The following REPS1 variants were observed in gnomAD, a reference collection of about 807,000 sequenced individuals.
REPS1 encodes the protein ralBP1-associated Eps domain-containing protein 1.
In REPS1, 39 loss-of-function variants were observed where a neutral mutation model predicts 100.9. The ratio of observed to expected loss-of-function variants is 0.39; its 90% CI spans 0.30 to 0.50. The LOEUF is 0.50. Among genes scored for constraint, REPS1 ranks in the 20% least tolerant of loss-of-function variants. The pLI is 0.86. For missense variants in REPS1, 821 were observed against 968.5 expected (o/e 0.85, Z 2.02); for synonymous variants, 324 against 340.3 (o/e 0.95, Z 0.53).
At chr6:138,966,124 T>A (rs1437119627) in intron 1 of REPS1, among the ~76,000 whole-genome samples, 1 of 152,176 alleles carries the variant, frequency 6.6e-6, no homozygotes, top group Non-Finnish European at 1.5e-5. Context: ...CCAACTGTAC[T>A]ATGTTGCCAC....
intron 10 of REPS1, among the ~76,000 whole-genome samples, chr6:138,921,526 T>TTA (rs960958721): frequency 6.6e-6 from 1 of 150,554 alleles, no homozygotes; most frequent in Non-Finnish European, 1.5e-5. Context: ...AGCCCATGAC[T>TTA]TATAGTCCCA....
At chr6:138,979,198 C>CAAAAAAAAAAAAAAAAAAAAAAAAAAAAA (rs1277794755) in intron 1 of REPS1, among the ~76,000 whole-genome samples, 1 of 91,798 alleles carries the variant, frequency 1.1e-5, no homozygotes, top group Non-Finnish European at 2.0e-5. Context: ...AAAAAAAAAA[C>CAAAAAAAAAAAAAAAAAAAAAAAAAAAAA]AAAAAAAAAA....
intron 2 of REPS1, among the ~76,000 whole-genome samples, chr6:138,946,484 G>C (rs11968606): frequency 0.083 from 12,682 of 152,088 alleles, 1,086 homozygotes; most frequent in African/African-American, 0.21. Context: ...TTTCGTCTCT[G>C]TTTAGAACCT....
intron 1 of REPS1, among the ~76,000 whole-genome samples, chr6:138,976,422 A>G (rs776812989): frequency 6.6e-6 from 1 of 152,184 alleles, no homozygotes; most frequent in African/African-American, 2.4e-5. Flanking sequence ...ACACCAAATC[A>G]GTCCCTTTAA....
chr6:138,935,663 G>T (rs1582770287), intron 8 of REPS1, among the ~76,000 whole-genome samples: 4 of 152,058 alleles, frequency 2.6e-5, no homozygotes, highest in African/African-American at 9.6e-5. Context: ...AGACCAGTCT[G>T]GCCAACATGG....
chr6:138,948,234 A>G (rs757460467), intron 1 of REPS1, among the ~76,000 whole-genome samples: 140 of 152,298 alleles, frequency 9.2e-4, no homozygotes, highest in Middle Eastern at 3.4e-3. Flanking sequence ...CTGCACATAC[A>G]ATAGGACCAT....
intron 15 of REPS1, 134 bp from the exon 16 acceptor site, chr6:138,913,084 T>C (rs1780118362): frequency 1.6e-6 from 1 of 621,170 alleles, no homozygotes; most frequent in African/African-American, 1.9e-5. Context: ...GAGAGGTGTA[T>C]TATAGTAACA....
Position 138,943,989 on chromosome 6 carries a change from T to C in REPS1, c.780A>G (p.Ala260=), listed in dbSNP as rs145556322. 2.5e-6 allele frequency: 4 copies of C among 1,613,852 alleles called. No individual in the cohort carries two copies. The highest frequency in any genetic ancestry group is 3.4e-6 in the Non-Finnish European group (4 of 1,179,796). Residue 260 remains alanine, a synonymous_variant, in exon 6 of 20, where the codon GCA becomes GCG. Coordinates refer to ENST00000450536, the MANE Select transcript of REPS1 (RefSeq NM_001286611.2). The part of the protein sequence containing the change: ...VQDQTTVRTV[A]SATTAIEIRR... The stretch of plus-strand genomic sequence containing the variant: ...GAATTTCAATGGCAGTTGTAGCTGA[T>C]GCTACAGTTCGTACTGTTGTCTGGT...
intron 13 of REPS1, 122 bp from the exon 14 acceptor site, chr6:138,916,098 A>ATACTTGAGTGTTG: frequency 1.3e-6 from 1 of 755,630 alleles, no homozygotes; most frequent in Non-Finnish European, 2.4e-6. Context: ...CTCAACACTC[A>ATACTTGAGTGTTG]AGTATGTAAG....
intron 8 of REPS1, among the ~76,000 whole-genome samples, chr6:138,932,820 A>G (rs1177445111): frequency 1.3e-5 from 2 of 152,206 alleles, no homozygotes; most frequent in African/African-American, 2.4e-5. Context: ...AAGGAAAGCA[A>G]TGTTTTCAGT....
intron 9 of REPS1, 92 bp downstream of exon 9, chr6:138,929,885 T>C: frequency 7.9e-7 from 1 of 1,259,730 alleles, no homozygotes; most frequent in Non-Finnish European, 1.1e-6. Flanking sequence ...TATGCATGCA[T>C]GCTGGAAGAG....
Position 138,912,841 on chromosome 6 carries a change from T to G in REPS1, c.1895A>C (p.Gln632Pro), listed in dbSNP as rs1236856422. ...ATTTGATGCAGCAAATACTTCAAAC[T>G]GACTGAAATCTGCAAAATTTGGTTG... ...PEQPNFADFS[Q>P]FEVFAASNVN... Residue 632 changes from glutamine to proline, a missense_variant, in exon 16 of 20, where the codon CAG becomes CCG. Physicochemically the swap from Gln to Pro is moderately conservative, Grantham distance 76. Coordinates refer to ENST00000450536, the MANE Select transcript of REPS1 (RefSeq NM_001286611.2). The G allele has an allele frequency of 2.3e-5, 37 of 1,614,024 alleles. No individual in the cohort carries two copies. The Admixed American group carries it at 6.0e-4, about 26-fold the overall frequency.
In REPS1 at chr6:138,945,550, C is replaced by A. The variant is rs1221505201; in HGVS notation, c.425G>T (p.Gly142Val). Residue 142 changes from glycine to valine, a missense_variant, in exon 3 of 20, where the codon GGA (glycine) becomes GTA (valine). By Grantham distance (109) the Gly-to-Val change is moderately radical. Transcript: ENST00000450536. ...CTGAACCGTATCATGGCTTACGGAT[C>A]CCTTTTTCACTTGCCCCCTGCCAGG... ...PPPGRGQVKK[G>V]SVSHDTVQPR... The A allele has an allele frequency of 6.2e-7, 1 of 1,611,698 alleles. No individual in the cohort carries two copies. The highest frequency in any genetic ancestry group is 8.5e-7 in the Non-Finnish European group (1 of 1,179,324).
intron 8 of REPS1, among the ~76,000 whole-genome samples, chr6:138,938,850 AT>A (rs34695956): frequency 0.47 from 68,423 of 145,404 alleles, 15,704 homozygotes; most frequent in Admixed American, 0.56. Context: ...TATTTTTATA[AT>A]TTTTTTTTTT....
Position 138,978,340 on chromosome 6 carries a change from G to A in REPS1, c.153+9190C>T, listed in dbSNP as rs1784718417. ...GTCTGGCTCTGTTGCCCAGGCTGGA[G>A]TCCATTGGCGCAATCTCGGGTCTCT... On this transcript the variant is annotated intron_variant, in intron 1 of 19. Transcript: ENST00000450536. 2.0e-5 allele frequency among the ~76,000 whole-genome samples: 3 copies of A among 150,454 alleles called. No individual in the cohort carries two copies. In the South Asian group the frequency reaches 6.3e-4, roughly 32 times the overall value.
chr6:138,945,511 G>C lies in REPS1; in HGVS notation c.464C>G (p.Ala155Gly), dbSNP rs1368804405. 1 of 1,602,510 alleles carries C rather than the reference G, an allele frequency of 6.2e-7. No homozygotes were observed. The highest frequency in any genetic ancestry group is 1.3e-5 in the African/African-American group (1 of 74,354). Residue 155 changes from alanine (A) to glycine (G), a missense_variant, in exon 3 of 20, where the codon GCA (alanine) becomes GGA (glycine). Coordinates refer to ENST00000450536, the MANE Select transcript of REPS1 (RefSeq NM_001286611.2). ...SHDTVQPRTS[A>G]DAQEPASPVV... ...CATGCATGTGATTACCTGTGCATCT[G>C]CAGATGTACGAGGCTGAACCGTATC...
intron 8 of REPS1, among the ~76,000 whole-genome samples, chr6:138,940,018 G>A (rs979250523): frequency 6.6e-6 from 1 of 152,204 alleles, no homozygotes; most frequent in African/African-American, 2.4e-5. Flanking sequence ...CATTTCAGGT[G>A]GAGAAACAGA....
chr6:138,910,262 T>G (rs1321494428), intron 17 of REPS1, among the ~76,000 whole-genome samples: 5 of 152,250 alleles, frequency 3.3e-5, no homozygotes, highest in Non-Finnish European at 2.9e-5. Context: ...CCACTTTGCC[T>G]TCTGCCATGA....
At chr6:138,908,920 T>A in intron 17 of REPS1, 104 bp from the exon 18 acceptor site, 1 of 1,047,834 alleles carries the variant, frequency 9.5e-7, no homozygotes, top group Non-Finnish European at 1.4e-6. Flanking sequence ...TCTTGGAAAA[T>A]TGAAAGTTAC....
Sources: allele counts gnomAD v4.1 joint callset (sites outside exome capture counted in the v4.1 genomes callset), GRCh38; gene constraint gnomAD v4.1.1; transcripts MANE v1.5; gene names NCBI Gene and HGNC (gene_info 2026-07-23, HGNC 2026-07-21).